LAMA2: variants seen among roughly 807,000 people sequenced by gnomAD.
LAMA2 encodes laminin subunit alpha 2.
In LAMA2, 269 loss-of-function variants were observed where a neutral mutation model predicts 364.8. That is an observed-to-expected ratio of 0.74 (90% CI 0.67 to 0.82). LAMA2 has a LOEUF of 0.82. Ranked by LOEUF, LAMA2 falls within the 40% of genes least tolerant of loss-of-function variation. LAMA2 has a pLI of 0.00. For synonymous variants in LAMA2, 1,379 were observed against 1,370.6 expected, an observed-to-expected ratio of 1.01 and a Z score of -0.14; for missense variants, 3,807 against 3,873.2, an observed-to-expected ratio of 0.98 and a Z score of 0.45.
intron 4 of LAMA2, among the ~76,000 whole-genome samples, chr6:129,121,146 C>G (rs1776783511): frequency 6.6e-6 from 1 of 152,180 alleles, no homozygotes; most frequent in Non-Finnish European, 1.5e-5. Flanking sequence ...TTGTCCCGCA[C>G]TGATGGTGGG....
At chr6:129,029,183 A>G (rs1050285688) in intron 1 of LAMA2, among the ~76,000 whole-genome samples, 1 of 151,982 alleles carries the variant, frequency 6.6e-6, no homozygotes, top group African/African-American at 2.4e-5. Flanking sequence ...CATGACGCTA[A>G]AACAAGATGA....
intron 45 of LAMA2, among the ~76,000 whole-genome samples, chr6:129,446,479 C>T (rs901230888): frequency 7.8e-6 from 1 of 128,552 alleles, no homozygotes; most frequent in Non-Finnish European, 1.6e-5. Context: ...CAACGTGAAA[C>T]TTTAGTCAAA....
At chr6:128,958,518 T>C (rs1471527603) in intron 1 of LAMA2, among the ~76,000 whole-genome samples, 1 of 152,144 alleles carries the variant, frequency 6.6e-6, no homozygotes, top group African/African-American at 2.4e-5. Context: ...TTTGTGATCA[T>C]GAATGATTTC....
In LAMA2 at chr6:129,456,325, A is replaced by C; in HGVS notation, c.6708-10A>C. On this transcript the variant is annotated splice_polypyrimidine_tract_variant and intron_variant, in intron 47 of 64. Transcript: ENST00000421865. ...GTTCCTCCCCTTCACTTCAACACGT[A>C]CCCTTGAAGAACTGGGAGAAATGGA... 2.5e-6 allele frequency: 4 copies of C among 1,612,632 alleles called. No individual in the cohort carries two copies. Among genetic ancestry groups the C allele is most frequent in the Non-Finnish European group, 3.4e-6 (4 of 1,178,846 alleles).
chr6:128,975,536 T>C (rs1304557953), intron 1 of LAMA2, among the ~76,000 whole-genome samples: 1 of 152,118 alleles, frequency 6.6e-6, no homozygotes, highest in African/African-American at 2.4e-5. Context: ...GCAGGGATAA[T>C]ATAGTTTGGC....
At chr6:129,066,612 T>TGCTGAATA (rs60664204) in intron 3 of LAMA2, among the ~76,000 whole-genome samples, 144,821 of 152,030 alleles carry the variant, frequency 0.95, 69,053 homozygotes, top group East Asian at 0.97. Flanking sequence ...CCACAAAAGG[T>TGCTGAATA]GCTAAAGCAA....
chr6:129,256,763 C>CAAATATATATATATATATATATAT (rs749883373), intron 14 of LAMA2, among the ~76,000 whole-genome samples: 1 of 87,956 alleles, frequency 1.1e-5, no homozygotes, highest in African/African-American at 4.1e-5. Context: ...AATTATATAG[C>CAAATATATATATATATATATATAT]ATATATATAT....
rs547170554 is a variant in LAMA2 at position 129,486,835 on chromosome 6, T to C, written c.7898+213T>C. Reference sequence around the variant, plus strand: ...AGGAGTTCTACCCTTAACATTTTTATTCGTGCAGTTATCTCCACCTTTGGA... The same window carrying C: ...AGGAGTTCTACCCTTAACATTTTTACTCGTGCAGTTATCTCCACCTTTGGA... On this transcript the variant is annotated intron_variant, in intron 56 of 64. Coordinates refer to ENST00000421865, the MANE Select transcript of LAMA2 (RefSeq NM_000426.4). Among the ~76,000 whole-genome samples, 28 of 152,286 alleles carry C rather than the reference T, an allele frequency of 1.8e-4. 1 individual carries two copies. Among genetic ancestry groups the C allele is most frequent in the African/African-American group, 6.5e-4 (27 of 41,558 alleles).
chr6:129,364,735 G>T (rs552000335), intron 32 of LAMA2, among the ~76,000 whole-genome samples: 81 of 152,284 alleles, frequency 5.3e-4, no homozygotes, highest in African/African-American at 1.9e-3. Context: ...ATTATGGTGA[G>T]TGTATTAGTC....
At chr6:129,480,405 G>T (rs748733217) in intron 54 of LAMA2, among the ~76,000 whole-genome samples, 19 of 151,996 alleles carry the variant, frequency 1.3e-4, no homozygotes, top group Admixed American at 3.9e-4. Flanking sequence ...AAGTCCTCCT[G>T]CCATTAAAAG....
At chr6:129,442,101 T>C (rs1782145907) in intron 43 of LAMA2, 1 of 685,296 alleles carries the variant, frequency 1.5e-6, no homozygotes, top group African/African-American at 1.9e-5. Flanking sequence ...GCCAACATTT[T>C]TGGGGGGGTA....
At chr6:129,242,538 GA>G (rs1389075525) in intron 12 of LAMA2, among the ~76,000 whole-genome samples, 1 of 152,030 alleles carries the variant, frequency 6.6e-6, no homozygotes, top group Non-Finnish European at 1.5e-5. Flanking sequence ...TAGTCAATAA[GA>G]AATCTCTGTA....
rs746835015 is a variant in LAMA2, at chr6:129,320,580, A to G, written c.4101A>G (p.Gly1367=). ...TGGAGGTAGCTGAACAAGGACGTGGAACAACAATGACTCCTCCAGCTGACT... is the reference window on the plus strand; with the variant it reads ...TGGAGGTAGCTGAACAAGGACGTGGGACAACAATGACTCCTCCAGCTGACT... The part of the protein sequence containing the change: ...ISMEVAEQGR[G]TTMTPPADLI... Residue 1367 remains glycine (G), a synonymous_variant, in exon 28 of 65, where the codon GGA becomes GGG. Transcript: ENST00000421865. 1.9e-6 allele frequency: 3 copies of G among 1,613,516 alleles called. No homozygotes were observed. The highest frequency in any genetic ancestry group is 2.7e-5 in the African/African-American group (2 of 74,886).
chr6:129,189,007 A>G (rs1781383571), intron 10 of LAMA2, among the ~76,000 whole-genome samples: 1 of 152,020 alleles, frequency 6.6e-6, no homozygotes, highest in Non-Finnish European at 1.5e-5. Context: ...CTGCCAAGAG[A>G]TTTATTTGAA....
chr6:129,396,901 A>G (rs1275742233), intron 37 of LAMA2, among the ~76,000 whole-genome samples: 1 of 151,142 alleles, frequency 6.6e-6, no homozygotes, highest in African/African-American at 2.4e-5. Context: ...GCTTGAGCCC[A>G]GAAGTTTGAG....
At chr6:129,058,902 T>C (rs1788681457) in intron 2 of LAMA2, among the ~76,000 whole-genome samples, 1 of 152,134 alleles carries the variant, frequency 6.6e-6, no homozygotes, top group African/African-American at 2.4e-5. Flanking sequence ...ATATGGCAAT[T>C]TGGAAAATAG....
intron 35 of LAMA2, among the ~76,000 whole-genome samples, chr6:129,390,945 C>T (rs964670040): frequency 6.6e-6 from 1 of 152,032 alleles, no homozygotes; most frequent in Non-Finnish European, 1.5e-5. Flanking sequence ...AATTTATAAC[C>T]CTTCTCCTAG....
chr6:128,916,341 G>C (rs1778314887), intron 1 of LAMA2, among the ~76,000 whole-genome samples: 1 of 152,134 alleles, frequency 6.6e-6, no homozygotes, highest in Admixed American at 6.5e-5. Flanking sequence ...CCCATTTGTT[G>C]GGTTGGTAGG....
chr6:129,503,328 G>A, intron 60 of LAMA2, 48 bp downstream of exon 60: 2 of 1,542,692 alleles, frequency 1.3e-6, no homozygotes, highest in Non-Finnish European at 1.8e-6. Context: ...ATTACTGAGT[G>A]GCAGCCATCA....
Sources: gnomAD v4.1 joint callset for allele counts (sites outside exome capture counted in the v4.1 genomes callset) on GRCh38, gnomAD v4.1.1 for gene constraint, MANE v1.5 for transcripts, NCBI Gene and HGNC (gene_info 2026-07-23, HGNC 2026-07-21) for gene names.